OPRM1: variants seen among roughly 807,000 people sequenced by gnomAD.
OPRM1 encodes the protein opioid receptor mu 1, also known as mu-type opioid receptor.
OPRM1 carries 27 observed loss-of-function variants against 31.8 expected under a neutral mutation model. The observed-to-expected ratio is 0.85, with a 90% CI of 0.63 to 1.17. OPRM1 has a LOEUF of 1.17. Ranked by LOEUF, OPRM1 falls within the 50% of genes most tolerant of loss-of-function variation. OPRM1 has a pLI of 0.00. For missense variants in OPRM1, 536 were observed against 511.1 expected (o/e 1.05, Z -0.47); for synonymous variants, 196 against 189.9 (o/e 1.03, Z -0.26).
intron 1 of OPRM1, among the ~76,000 whole-genome samples, chr6:154,057,998 T>C (rs947161551): frequency 1.3e-5 from 2 of 152,234 alleles, no homozygotes; most frequent in African/African-American, 4.8e-5. Context: ...AAGAAGAAAT[T>C]GTCTGCATAT....
intron 1 of OPRM1, among the ~76,000 whole-genome samples, chr6:154,044,347 T>C (rs1020339887): frequency 5.9e-5 from 9 of 152,288 alleles, no homozygotes; most frequent in Middle Eastern, 6.8e-3. Flanking sequence ...TTTTTATAAT[T>C]GGTACCATAT....
At chr6:154,100,193 C>A (rs1381372519) in intron 3 of OPRM1, among the ~76,000 whole-genome samples, 7 of 126,668 alleles carry the variant, frequency 5.5e-5, no homozygotes, top group South Asian at 2.5e-4. Flanking sequence ...TATGACATAT[C>A]ATAATATATA....
chr6:154,196,171 CAATAT>C (rs1387379243), intron 3 of OPRM1, among the ~76,000 whole-genome samples: 5 of 152,032 alleles, frequency 3.3e-5, no homozygotes, highest in Non-Finnish European at 7.4e-5. Context: ...GATATATACA[CAATAT>C]AATAATGCAA....
chr6:154,015,880 G>C (rs147874158), intron 1 of OPRM1, among the ~76,000 whole-genome samples: 1,534 of 151,936 alleles, frequency 0.01, 15 homozygotes, highest in Non-Finnish European at 0.015. Context: ...TCACTGATAA[G>C]AGAAATAAAA....
intron 3 of OPRM1, among the ~76,000 whole-genome samples, chr6:154,231,812 G>A (rs1016624813): frequency 1.3e-5 from 2 of 152,254 alleles, no homozygotes; most frequent in African/African-American, 4.8e-5. Flanking sequence ...CTTTGGAATC[G>A]GGTACATGAT....
At chr6:154,043,288 A>G (rs541101129) in intron 1 of OPRM1, among the ~76,000 whole-genome samples, 4 of 152,280 alleles carry the variant, frequency 2.6e-5, no homozygotes, top group Admixed American at 1.3e-4. Flanking sequence ...AGAGAAGAGC[A>G]TTTAAATACG....
intron 3 of OPRM1, among the ~76,000 whole-genome samples, chr6:154,099,656 C>CATATATATACATATATACAT (rs1281901006): frequency 7.7e-4 from 20 of 26,020 alleles, no homozygotes; most frequent in South Asian, 2.4e-3. Context: ...TATATACACA[C>CATATATATACATATATACAT]ATGTATATAC....
At chr6:154,186,618 G>A (rs2128575202) in intron 3 of OPRM1, among the ~76,000 whole-genome samples, 1 of 151,754 alleles carries the variant, frequency 6.6e-6, no homozygotes, top group Non-Finnish European at 1.5e-5. Context: ...GTGCAGTGGT[G>A]CGATCTTGGC....
chr6:154,019,247 C>G (rs1474450021), intron 1 of OPRM1, among the ~76,000 whole-genome samples: 1 of 146,350 alleles, frequency 6.8e-6, no homozygotes, highest in Non-Finnish European at 1.5e-5. Flanking sequence ...TTTTTTAGAG[C>G]AGTTTTAAGT....
intron 3 of OPRM1, among the ~76,000 whole-genome samples, chr6:154,188,366 G>T (rs1801569118): frequency 6.6e-6 from 1 of 152,128 alleles, no homozygotes; most frequent in Non-Finnish European, 1.5e-5. Flanking sequence ...CAAATAAATG[G>T]AGAGAGGTAA....
At chr6:154,062,596 G>C (rs1444900042) in intron 1 of OPRM1, among the ~76,000 whole-genome samples, 1 of 151,854 alleles carries the variant, frequency 6.6e-6, no homozygotes, top group Non-Finnish European at 1.5e-5. Flanking sequence ...GCTTCTTTCT[G>C]TTTCCTAGAA....
intron 3 of OPRM1, among the ~76,000 whole-genome samples, chr6:154,223,506 T>TTAGG (rs1259307139): frequency 6.6e-6 from 1 of 151,896 alleles, no homozygotes; most frequent in East Asian, 1.9e-4. Flanking sequence ...TATGGCAGGC[T>TTAGG]TAGGGCCTGT....
chr6:154,214,412 G>T (rs1250349434), intron 3 of OPRM1: 1 of 719,572 alleles, frequency 1.4e-6, no homozygotes, highest in Non-Finnish European at 2.5e-6. Flanking sequence ...GCATAAGTTT[G>T]TGCCATCGAA....
Position 154,181,523 on chromosome 6 carries a change from G to A in OPRM1, c.1165-65170G>A, listed in dbSNP as rs573525976. Among the ~76,000 whole-genome samples, 6 of 152,222 alleles carry A rather than the reference G, an allele frequency of 3.9e-5. No homozygotes were observed. The South Asian group carries it at 1.0e-3, about 26-fold the overall frequency. Reference sequence around the variant, plus strand: ...TGCTATGAATATATATATTTGATGCGTTCTTTTGAATGAAAGTCAGTGAAG... The same window carrying A: ...TGCTATGAATATATATATTTGATGCATTCTTTTGAATGAAAGTCAGTGAAG... On this transcript the variant is annotated intron_variant, in intron 3 of 3. Transcript: ENST00000337049.
intron 3 of OPRM1, among the ~76,000 whole-genome samples, chr6:154,218,736 A>T (rs1196393829): frequency 6.6e-6 from 1 of 152,262 alleles, no homozygotes; most frequent in Non-Finnish European, 1.5e-5. Context: ...GATATTATAA[A>T]CATGAGAAGT....
intron 1 of OPRM1, among the ~76,000 whole-genome samples, chr6:154,066,875 A>T (rs921703987): frequency 5.3e-5 from 8 of 152,176 alleles, no homozygotes; most frequent in African/African-American, 1.4e-4. Context: ...ATTTTATTGT[A>T]GTAGCTTAAG....
intron 3 of OPRM1, among the ~76,000 whole-genome samples, chr6:154,169,114 AC>A (rs1799667710): frequency 1.3e-5 from 2 of 151,426 alleles, no homozygotes. Context: ...TAATCCCAAC[AC>A]TTTGGGAGGC....
At chr6:154,047,166 G>A (rs1459794455) in intron 1 of OPRM1, among the ~76,000 whole-genome samples, 2 of 150,908 alleles carry the variant, frequency 1.3e-5, no homozygotes, top group Non-Finnish European at 3.0e-5. Flanking sequence ...ACCCCATCAT[G>A]TTTCATTCCC....
intron 1 of OPRM1, among the ~76,000 whole-genome samples, chr6:154,032,991 A>G (rs1404741342): frequency 6.6e-6 from 1 of 152,236 alleles, no homozygotes; most frequent in Non-Finnish European, 1.5e-5. Context: ...GGTTGGATCT[A>G]TCAGTATATA....
Sources: gnomAD v4.1 joint callset for allele counts (sites outside exome capture counted in the v4.1 genomes callset) on GRCh38, gnomAD v4.1.1 for gene constraint, MANE v1.5 for transcripts, NCBI Gene and HGNC (gene_info 2026-07-23, HGNC 2026-07-21) for gene names.